FAF1: variants seen among roughly 807,000 people sequenced by gnomAD.
The protein encoded by FAF1 is FAS-associated factor 1.
Under a neutral mutation model 92.5 loss-of-function variants are expected in FAF1, and 25 were observed. The ratio of observed to expected loss-of-function variants is 0.27; its 90% CI spans 0.20 to 0.38. The LOEUF is 0.38. FAF1 is among the 10% of genes least tolerant of loss of function. The probability of loss-of-function intolerance (pLI) is 1.00; values close to 1 mark genes in which losing one functional copy is unlikely to be tolerated. For missense variants in FAF1, 636 were observed against 793.3 expected, an observed-to-expected ratio of 0.80 and a Z score of 2.38; for synonymous variants, 234 against 273.2, an observed-to-expected ratio of 0.86 and a Z score of 1.42.
intron 15 of FAF1, among the ~76,000 whole-genome samples, chr1:50,503,609 T>C (rs1457733415): frequency 6.7e-6 from 1 of 149,148 alleles, no homozygotes; most frequent in African/African-American, 2.5e-5. Context: ...AGTGATTCCC[T>C]GTCTCTTTAA....
chr1:50,720,388 A>C (rs1223018616), intron 6 of FAF1, among the ~76,000 whole-genome samples: 2 of 152,216 alleles, frequency 1.3e-5, no homozygotes, highest in Non-Finnish European at 2.9e-5. Context: ...AGTAATCACA[A>C]TGTACTTGAA....
At chr1:50,796,345 CT>C (rs1336201185) in intron 3 of FAF1, among the ~76,000 whole-genome samples, 4 of 151,276 alleles carry the variant, frequency 2.6e-5, no homozygotes, top group African/African-American at 7.3e-5. Context: ...TAGCTTCTAG[CT>C]TTTTTTTTAC....
chr1:50,855,929 G>C (rs1185483440), intron 2 of FAF1, among the ~76,000 whole-genome samples: 1 of 151,724 alleles, frequency 6.6e-6, no homozygotes, highest in Admixed American at 6.6e-5. Context: ...AGTGTTGTTA[G>C]AATATTCTCC....
chr1:50,673,088 T>A (rs1236101615), intron 7 of FAF1, among the ~76,000 whole-genome samples: 4 of 152,080 alleles, frequency 2.6e-5, no homozygotes, highest in Non-Finnish European at 5.9e-5. Flanking sequence ...TGAAACACCG[T>A]ATCTACTAAA....
At chr1:50,720,102 A>G (rs977079765) in intron 6 of FAF1, among the ~76,000 whole-genome samples, 9 of 151,940 alleles carry the variant, frequency 5.9e-5, no homozygotes, top group African/African-American at 2.2e-4. Flanking sequence ...CCTGAGTTGA[A>G]GCAATTGTCT....
At chr1:50,797,685 C>CA (rs1224960301) in intron 3 of FAF1, among the ~76,000 whole-genome samples, 3 of 151,792 alleles carry the variant, frequency 2.0e-5, no homozygotes, top group South Asian at 2.1e-4. Flanking sequence ...AGCCTGTCTC[C>CA]AAAAAAACAA....
At chr1:50,873,931 T>G (rs1359590403) in intron 1 of FAF1, among the ~76,000 whole-genome samples, 1 of 152,154 alleles carries the variant, frequency 6.6e-6, no homozygotes, top group African/African-American at 2.4e-5. Flanking sequence ...GTCTTATATC[T>G]CATCTCCAGG....
intron 4 of FAF1, among the ~76,000 whole-genome samples, chr1:50,765,158 T>C (rs1660515423): frequency 6.6e-6 from 1 of 152,192 alleles, no homozygotes; most frequent in African/African-American, 2.4e-5. Flanking sequence ...CAAACCTAAG[T>C]AAGCAATAAT....
At chr1:50,899,749 C>A (rs969818622) in intron 1 of FAF1, among the ~76,000 whole-genome samples, 1 of 152,286 alleles carries the variant, frequency 6.6e-6, no homozygotes, top group East Asian at 1.9e-4. Context: ...CACGCCCAGC[C>A]TCCTTTAAAT....
chr1:50,907,681 T>C (rs565592988), intron 1 of FAF1, among the ~76,000 whole-genome samples: 1 of 152,362 alleles, frequency 6.6e-6, no homozygotes, highest in East Asian at 1.9e-4. Flanking sequence ...TTGTTTATAG[T>C]ATTCTCTGAT....
chr1:50,723,607 G>T, intron 6 of FAF1, among the ~76,000 whole-genome samples: 1 of 152,054 alleles, frequency 6.6e-6, no homozygotes, highest in Non-Finnish European at 1.5e-5. Flanking sequence ...AAGCCACACT[G>T]TATGAATATC....
intron 12 of FAF1, 139 bp downstream of exon 12, chr1:50,582,479 G>A: frequency 1.6e-6 from 1 of 618,810 alleles, no homozygotes; most frequent in Non-Finnish European, 2.9e-6. Context: ...GCACAATGAT[G>A]ACATACAAAT....
intron 1 of FAF1, among the ~76,000 whole-genome samples, chr1:50,906,114 A>G (rs900716851): frequency 6.6e-5 from 10 of 152,192 alleles, no homozygotes; most frequent in Non-Finnish European, 1.3e-4. Context: ...CAGTTTTCCC[A>G]GCACCATTTA....
At chr1:50,754,619 A>G (rs12064411) in intron 4 of FAF1, among the ~76,000 whole-genome samples, 13,184 of 152,260 alleles carry the variant, frequency 0.087, 593 homozygotes, top group African/African-American at 0.098. Context: ...GTAATTAAGC[A>G]TTTGAACCAT....
At chr1:50,894,290 C>T (rs559623439) in intron 1 of FAF1, among the ~76,000 whole-genome samples, 2 of 138,614 alleles carry the variant, frequency 1.4e-5, no homozygotes, top group South Asian at 4.8e-4. Context: ...GACAGAGAGA[C>T]TCTGTCTCAA....
At chr1:50,659,207 GAGA>G (rs1458877776) in intron 7 of FAF1, among the ~76,000 whole-genome samples, 6 of 151,824 alleles carry the variant, frequency 4.0e-5, no homozygotes, top group African/African-American at 1.4e-4. Context: ...AGTTCTTTCA[GAGA>G]AGGAGGGAAG....
At chr1:50,537,635 T>G (rs1271152000) in intron 14 of FAF1, among the ~76,000 whole-genome samples, 1 of 152,192 alleles carries the variant, frequency 6.6e-6, no homozygotes, top group African/African-American at 2.4e-5. Flanking sequence ...TATTACATTT[T>G]TATGAAACAT....
chr1:50,746,933 C>G (rs1659654887), intron 4 of FAF1, among the ~76,000 whole-genome samples: 1 of 152,182 alleles, frequency 6.6e-6, no homozygotes, highest in Non-Finnish European at 1.5e-5. Flanking sequence ...TCAAAGGAAC[C>G]TGGGTACTGT....
chr1:50,826,354 C>A (rs761493930), intron 2 of FAF1, among the ~76,000 whole-genome samples: 1 of 151,790 alleles, frequency 6.6e-6, no homozygotes, highest in Non-Finnish European at 1.5e-5. Flanking sequence ...AGTTCAAGAC[C>A]AGCTTAGCCA....
Sources: allele counts gnomAD v4.1 joint callset (sites outside exome capture counted in the v4.1 genomes callset), GRCh38; gene constraint gnomAD v4.1.1; transcripts MANE v1.5; gene names NCBI Gene and HGNC (gene_info 2026-07-23, HGNC 2026-07-21).